EP400: variants seen among roughly 807,000 people sequenced by gnomAD.
EP400 encodes E1A-binding protein p400.
In EP400, 105 loss-of-function variants were observed where a neutral mutation model predicts 354.1. The ratio of observed to expected loss-of-function variants is 0.30; its 90% confidence interval spans 0.25 to 0.35. The LOEUF is 0.35. Ranked by LOEUF, EP400 falls within the 10% of genes least tolerant of loss-of-function variation. The pLI is 1.00. For synonymous variants in EP400, 1,646 were observed against 1,716.9 expected, an observed-to-expected ratio of 0.96 and a Z score of 1.02; for missense variants, 3,280 against 4,121.0, an observed-to-expected ratio of 0.80 and a Z score of 5.59.
chr12:132,015,786 G>A (rs1372253107), intron 19 of EP400, among the ~76,000 whole-genome samples: 1 of 151,986 alleles, frequency 6.6e-6, no homozygotes, highest in Non-Finnish European at 1.5e-5. Flanking sequence ...CGCACGCCTC[G>A]CCCCCCTGGA....
chr12:131,955,197 T>C (rs1891654870), intron 1 of EP400, among the ~76,000 whole-genome samples: 1 of 152,206 alleles, frequency 6.6e-6, no homozygotes, highest in Non-Finnish European at 1.5e-5. Context: ...TATAGTTGAT[T>C]GTCTTTGTTT....
At chr12:132,061,852 T>C (rs918082443) in intron 45 of EP400, among the ~76,000 whole-genome samples, 4 of 152,248 alleles carry the variant, frequency 2.6e-5, no homozygotes, top group East Asian at 1.9e-4. Context: ...GGACGGCCTT[T>C]CCAGCATGTG....
At chr12:131,978,522 G>GT (rs922635761) in intron 2 of EP400, among the ~76,000 whole-genome samples, 20 of 151,636 alleles carry the variant, frequency 1.3e-4, no homozygotes, top group African/African-American at 4.4e-4. Context: ...TTCATTTTTT[G>GT]TTTTTTTTAA....
intron 30 of EP400, among the ~76,000 whole-genome samples, chr12:132,035,448 A>G (rs1235469758): frequency 6.6e-6 from 1 of 152,248 alleles, no homozygotes; most frequent in Admixed American, 6.5e-5. Context: ...AAATGCAGAG[A>G]AGTGGGAAGT....
At position 132,008,438 on chromosome 12, in the gene EP400, T is replaced by A. The variant is rs1255780225; in HGVS notation, c.3304+1561T>A. Among the ~76,000 whole-genome samples the A allele has an allele frequency of 2.0e-5, 3 of 152,376 alleles. No homozygotes were observed. In the East Asian group the frequency reaches 5.8e-4, roughly 29 times the overall value. On this transcript the variant is annotated intron_variant, in intron 15 of 52. Coordinates refer to ENST00000389561, the MANE Select transcript of EP400 (RefSeq NM_015409.5). ...TATTTGTTTCTGTCTTTGGCCCGTG[T>A]CACACAGTTTAGATGTAGTGCTATA...
Position 132,020,235 on chromosome 12 carries a change from T to G in EP400, c.4447+17T>G. ...AGGCAAAAGGTAGACTTCACGTAGT[T>G]GTCTGCTCTCCGCCTTATGGAGGTT... On this transcript the variant is annotated intron_variant, in intron 22 of 52. Transcript: ENST00000389561. 1.9e-6 allele frequency: 3 copies of G among 1,584,716 alleles called. No individual in the cohort carries two copies. The highest frequency in any genetic ancestry group is 2.6e-6 in the Non-Finnish European group (3 of 1,164,130).
chr12:132,014,043 C>A (rs963932820), intron 19 of EP400, 130 bp downstream of exon 19: 8 of 1,268,506 alleles, frequency 6.3e-6, no homozygotes, highest in Non-Finnish European at 8.7e-6. Flanking sequence ...GACCGAGGCA[C>A]CCTCCTGGGG....
At chr12:131,982,895 G>T (rs778023976) in intron 5 of EP400, among the ~76,000 whole-genome samples, 5 of 151,880 alleles carry the variant, frequency 3.3e-5, no homozygotes, top group Non-Finnish European at 5.9e-5. Context: ...ACTTGAACCT[G>T]GGAGGTGAAG....
rs977045268 is a variant in EP400 at position 132,075,530 on chromosome 12, C to A, written c.9022-986C>A. On this transcript the variant is annotated intron_variant, in intron 51 of 52. Transcript: ENST00000389561. The surrounding 1 kb of genome is among the most constrained non-coding windows in gnomAD (Gnocchi z 4.5). ...TGGTCTTGAGATGGGCCCTGGAGCA[C>A]CGGCTGCATCTTTGTTTCCCAGCAG... is the stretch of plus-strand genomic sequence containing the variant. Among the ~76,000 whole-genome samples the A allele has an allele frequency of 6.6e-6, 1 of 152,178 alleles. No individual in the cohort carries two copies. Among genetic ancestry groups the A allele is most frequent in the Admixed American group, 6.5e-5 (1 of 15,276 alleles).
At chr12:132,020,943 T>C in intron 22 of EP400, 136 bp from the exon 23 acceptor site, 1 of 1,246,576 alleles carries the variant, frequency 8.0e-7, no homozygotes, top group Non-Finnish European at 1.1e-6. Flanking sequence ...GCCCCTCTTT[T>C]TTTCCTTAAG....
At chr12:132,012,739 AT>A (rs1284036553) in intron 16 of EP400, among the ~76,000 whole-genome samples, 2 of 152,170 alleles carry the variant, frequency 1.3e-5, no homozygotes, top group African/African-American at 2.4e-5. Flanking sequence ...CTCTGCCATA[AT>A]CTCAGTATTT....
In EP400 at chr12:132,019,745, A is replaced by G. The variant is rs116718060; in HGVS notation, c.4278-304A>G. ...TGCTGTAATAGATGCGTTGTTTTCT[A>G]TCTACATTGATATGATTGTGAAAGT... On this transcript the variant is annotated intron_variant, in intron 21 of 52. Transcript: ENST00000389561. 2.9e-3 allele frequency among the ~76,000 whole-genome samples: 449 copies of G among 152,290 alleles called. 4 individuals are homozygous for G. The highest frequency in any genetic ancestry group is 0.01 in the African/African-American group (432 of 41,582).
At chr12:131,991,667 G>A (rs1239004101) in intron 10 of EP400, among the ~76,000 whole-genome samples, 2 of 149,128 alleles carry the variant, frequency 1.3e-5, no homozygotes, top group Non-Finnish European at 3.0e-5. Context: ...TGCAACCTCT[G>A]CCTCCCAGGT....
chr12:132,028,085 T>C lies in EP400; in HGVS notation c.5178T>C (p.Ser1726=), dbSNP rs1460939564. ...ATTTAGTCAACGAGCGGCGCTGTTC[T>C]CAAGCTCCAGTCTATGGCAGAGACT... is the stretch of plus-strand genomic sequence containing the variant. The part of the protein sequence containing the change: ...QIYLVNERRC[S]QAPVYGRDLL... The change falls in exon 27 of 53, where the codon TCT becomes TCC. Residue 1726 remains serine, a synonymous_variant. Coordinates refer to ENST00000389561, the MANE Select transcript of EP400 (RefSeq NM_015409.5). The C allele has an allele frequency of 2.5e-6, 4 of 1,614,244 alleles. No homozygotes were observed. The highest frequency in any genetic ancestry group is 3.4e-6 in the Non-Finnish European group (4 of 1,180,044).
chr12:132,062,066 G>A (rs570743186), intron 45 of EP400, 44 bp from the exon 46 acceptor site: 2 of 1,561,584 alleles, frequency 1.3e-6, no homozygotes, highest in East Asian at 2.2e-5. Context: ...AGCCCTGAGT[G>A]CTGTGTGAAA....
chr12:131,971,206 A>T (rs1892277718), intron 2 of EP400, among the ~76,000 whole-genome samples: 1 of 149,308 alleles, frequency 6.7e-6, no homozygotes, highest in Non-Finnish European at 1.5e-5. Flanking sequence ...CCTGTCTCTT[A>T]AAAAAAAAAG....
intron 2 of EP400, among the ~76,000 whole-genome samples, chr12:131,964,839 A>G (rs1892022827): frequency 6.6e-6 from 1 of 152,264 alleles, no homozygotes; most frequent in African/African-American, 2.4e-5. Context: ...TAGTACAATA[A>G]TACATTCTAA....
At chr12:132,004,821 C>G (rs140447358) in intron 12 of EP400, among the ~76,000 whole-genome samples, 1 of 152,144 alleles carries the variant, frequency 6.6e-6, no homozygotes, top group Non-Finnish European at 1.5e-5. Flanking sequence ...CTCATCATTC[C>G]CCTTGCATCC....
rs755658070 is a variant in EP400 at position 131,992,152 on chromosome 12, TTTTTCTTTC to T, written c.2680-11_2680-3del. The T allele has an allele frequency of 1.9e-6, 3 of 1,603,388 alleles. No homozygotes were observed. The highest frequency in any genetic ancestry group is 2.5e-6 in the Non-Finnish European group (3 of 1,179,618). On this transcript the variant is annotated splice_polypyrimidine_tract_variant and intron_variant, in intron 10 of 52. Transcript: ENST00000389561. ...GAGTGTTTGGATCTCATGCTTGTGG[TTTTTCTTTC>T]TTTTCTTTCAGGATTCAGGAATGTC...
Sources: gnomAD v4.1 joint callset for allele counts (sites outside exome capture counted in the v4.1 genomes callset) on GRCh38, gnomAD v4.1.1 for gene constraint, Gnocchi (gnomAD v3.1) non-coding constraint, MANE v1.5 for transcripts, NCBI Gene and HGNC (gene_info 2026-07-23, HGNC 2026-07-21) for gene names.